The following MAST4 variants were observed in gnomAD, a reference collection of about 807,000 sequenced individuals.
MAST4 encodes the protein microtubule associated serine/threonine kinase family member 4.
Under a neutral mutation model 162.7 loss-of-function variants are expected in MAST4, and 89 were observed. The ratio of observed to expected loss-of-function variants is 0.55; its 90% confidence interval spans 0.46 to 0.65. The LOEUF (loss-of-function observed/expected upper bound fraction) is 0.65, where lower values mean the gene tolerates loss of function less well. Ranked by LOEUF, MAST4 falls within the 30% of genes least tolerant of loss-of-function variation. The pLI is 0.00. For missense variants in MAST4, 3,153 were observed against 3,374.0 expected (o/e 0.93, Z 1.62); for synonymous variants, 1,479 against 1,361.1 (o/e 1.09, Z -1.91).
intron 1 of MAST4, among the ~76,000 whole-genome samples, chr5:66,700,794 T>TAC (rs1440135021): frequency 1.8e-5 from 2 of 112,416 alleles, no homozygotes; most frequent in Non-Finnish European, 3.7e-5. Flanking sequence ...TATATATATA[T>TAC]ATATATACAC....
chr5:67,032,928 G>A (rs1755532570), intron 4 of MAST4, among the ~76,000 whole-genome samples: 1 of 152,018 alleles, frequency 6.6e-6, no homozygotes, highest in Non-Finnish European at 1.5e-5. Flanking sequence ...GAAAAGTGAT[G>A]TACCATATTT....
chr5:66,695,578 A>C (rs1487139385), intron 1 of MAST4, among the ~76,000 whole-genome samples: 1 of 152,162 alleles, frequency 6.6e-6, no homozygotes, highest in African/African-American at 2.4e-5. Flanking sequence ...TTTAATGTGA[A>C]TAGCATTGAA....
intron 4 of MAST4, among the ~76,000 whole-genome samples, chr5:67,016,183 T>G (rs1309772095): frequency 6.6e-6 from 1 of 152,190 alleles, no homozygotes; most frequent in Non-Finnish European, 1.5e-5. Context: ...GACAGTTTGA[T>G]ATAGTCTCAT....
intron 4 of MAST4, among the ~76,000 whole-genome samples, chr5:66,948,358 T>A (rs1744276455): frequency 6.6e-6 from 1 of 152,148 alleles, no homozygotes; most frequent in African/African-American, 2.4e-5. Flanking sequence ...ATATATAAAG[T>A]CTCTGTGTAG....
intron 4 of MAST4, among the ~76,000 whole-genome samples, chr5:66,974,190 T>C (rs1747825505): frequency 6.6e-6 from 1 of 152,238 alleles, no homozygotes; most frequent in East Asian, 1.9e-4. Context: ...TCTCACCTGA[T>C]ATATAACATT....
intron 3 of MAST4, among the ~76,000 whole-genome samples, chr5:66,804,331 G>T (rs1756072518): frequency 6.6e-6 from 1 of 152,178 alleles, no homozygotes; most frequent in Non-Finnish European, 1.5e-5. Context: ...TCTTGCTGTG[G>T]GTCTGTGTGT....
At chr5:66,954,509 T>TATAAACA (rs1745068386) in intron 4 of MAST4, among the ~76,000 whole-genome samples, 1 of 151,832 alleles carries the variant, frequency 6.6e-6, no homozygotes, top group African/African-American at 2.4e-5. Flanking sequence ...ATTAAACAGC[T>TATAAACA]ATAAACAACA....
rs143054055 is a variant in MAST4, at chr5:66,697,039, A to G, written c.364-62670A>G. 4.4e-3 allele frequency among the ~76,000 whole-genome samples: 669 copies of G among 152,350 alleles called. 8 individuals carry two copies. Among genetic ancestry groups the G allele is most frequent in the Middle Eastern group, 0.027 (8 of 294 alleles). ...ATGAAATATGGTTGTCTCAAGGAGA[A>G]GCACTTGTGCGATCGGTGGACAGAC... On this transcript the variant is annotated intron_variant, in intron 1 of 28. Coordinates refer to ENST00000403625, the MANE Select transcript of MAST4 (RefSeq NM_001164664.2).
At chr5:66,626,588 A>C (rs1744443709) in intron 1 of MAST4, among the ~76,000 whole-genome samples, 1 of 152,218 alleles carries the variant, frequency 6.6e-6, no homozygotes, top group Non-Finnish European at 1.5e-5. Context: ...TTGTTTCCCA[A>C]ATGCATTGCA....
intron 4 of MAST4, among the ~76,000 whole-genome samples, chr5:67,027,933 G>A (rs537008954): frequency 6.6e-6 from 1 of 152,188 alleles, no homozygotes; most frequent in African/African-American, 2.4e-5. Context: ...TATCAGTTGA[G>A]CACCTTCCAT....
At chr5:66,896,996 A>G (rs562197720) in intron 3 of MAST4, among the ~76,000 whole-genome samples, 2 of 152,242 alleles carry the variant, frequency 1.3e-5, no homozygotes, top group South Asian at 4.1e-4. Flanking sequence ...GGGGGAGGAT[A>G]CAATATCAAG....
intron 1 of MAST4, among the ~76,000 whole-genome samples, chr5:66,628,057 A>T (rs183222188): frequency 1.3e-5 from 2 of 152,192 alleles, no homozygotes; most frequent in East Asian, 3.9e-4. Flanking sequence ...TTAGAGACAG[A>T]GTTTTGCTCT....
At position 66,784,160 on chromosome 5, in the gene MAST4, G is replaced by A. The variant is rs557222743; in HGVS notation, c.518-4510G>A. ...AACCTAGGACGTAGGAGTCCTCCAC[G>A]ATCACCCAGACCTCTGGGGTCCCTG... On this transcript the variant is annotated intron_variant, in intron 2 of 28. Transcript: ENST00000403625. Among the ~76,000 whole-genome samples the A allele has an allele frequency of 7.3e-5, 11 of 151,184 alleles. No individual in the cohort carries two copies. In the South Asian group the frequency reaches 2.3e-3, roughly 32 times the overall value.
chr5:66,694,208 G>GT lies in MAST4; in HGVS notation c.364-65495dup, dbSNP rs533605010. On this transcript the variant is annotated intron_variant, in intron 1 of 28. Coordinates refer to ENST00000403625, the MANE Select transcript of MAST4 (RefSeq NM_001164664.2). ...TTGGAATAGAGCCTGGAGCTTGGGTGTTTTTTCAAAAGCTCCCCAGCTGAG... is the reference window on the plus strand; with the variant it reads ...TTGGAATAGAGCCTGGAGCTTGGGTGTTTTTTTCAAAAGCTCCCCAGCTGAG... Among the ~76,000 whole-genome samples the GT allele has an allele frequency of 1.3e-4, 20 of 152,282 alleles. No homozygotes were observed. In the South Asian group the frequency reaches 3.9e-3, roughly 30 times the overall value.
chr5:66,837,886 ATATATATATTTTTTTTTTT>A lies in MAST4; in HGVS notation c.642+49094_642+49112del, dbSNP rs1456264137. Reference sequence around the variant, plus strand: ...ATTTTATATATATATATATATATATATATATATATTTTTTTTTTTTTTTTTTTTTTTAATGTGGAGGTGT... The same window carrying A: ...ATTTTATATATATATATATATATATATTTTTTTTTTTTAATGTGGAGGTGT... On this transcript the variant is annotated intron_variant, in intron 3 of 28. Transcript: ENST00000403625. Among the ~76,000 whole-genome samples, 91 of 52,818 alleles carry A rather than the reference ATATATATATTTTTTTTTTT, an allele frequency of 1.7e-3. 2 individuals carry two copies. The highest frequency in any genetic ancestry group is 0.011 in the Middle Eastern group (1 of 94). The allele number at this position is 52,818 out of a possible 152,430, so 34.7% of individuals were successfully genotyped here.
At chr5:66,709,962 AGT>A in intron 1 of MAST4, among the ~76,000 whole-genome samples, 1 of 152,310 alleles carries the variant, frequency 6.6e-6, no homozygotes, top group Non-Finnish European at 1.5e-5. Flanking sequence ...TTTTCCAGCC[AGT>A]GTTTTCTAGT....
At chr5:66,704,919 C>T (rs1461640688) in intron 1 of MAST4, among the ~76,000 whole-genome samples, 2 of 152,146 alleles carry the variant, frequency 1.3e-5, no homozygotes, top group Non-Finnish European at 2.9e-5. Context: ...GGAGAAGTTT[C>T]AGCTGTTTTA....
chr5:66,836,015 A>G (rs1282197639), intron 3 of MAST4, among the ~76,000 whole-genome samples: 1 of 152,132 alleles, frequency 6.6e-6, no homozygotes, highest in Non-Finnish European at 1.5e-5. Context: ...ATAAAAAAAT[A>G]CAAAAATTAG....
At chr5:67,126,928 GT>G (rs1768311276) in intron 14 of MAST4, among the ~76,000 whole-genome samples, 1 of 152,196 alleles carries the variant, frequency 6.6e-6, no homozygotes, top group African/African-American at 2.4e-5. Flanking sequence ...TTGAGCAGTG[GT>G]TTGTAGTTCT....
Sources: gnomAD v4.1 joint callset for allele counts (sites outside exome capture counted in the v4.1 genomes callset) on GRCh38, gnomAD v4.1.1 for gene constraint, MANE v1.5 for transcripts, NCBI Gene and HGNC (gene_info 2026-07-23, HGNC 2026-07-21) for gene names.